The following LGSN variants were observed in gnomAD, a reference collection of about 807,000 sequenced individuals.
The protein encoded by LGSN is lengsin.
A neutral mutation model predicts 19.5 loss-of-function variants in LGSN; 21 were observed. The observed-to-expected ratio is 1.07, with a 90% CI of 0.76 to 1.55. The LOEUF (loss-of-function observed/expected upper bound fraction) is 1.55, where lower values mean the gene tolerates loss of function less well. LGSN is among the 40% of genes most tolerant of loss of function. The pLI, the probability that LGSN is intolerant of heterozygous loss-of-function variation, is 0.00. For synonymous variants in LGSN, 257 were observed against 215.6 expected, an observed-to-expected ratio of 1.19 and a Z score of -1.68; for missense variants, 673 against 608.5, an observed-to-expected ratio of 1.11 and a Z score of -1.12.
chr6:63,422,156 C>T, the LGSN span, among the ~76,000 whole-genome samples: 16,689 of 152,128 alleles, frequency 0.11, 965 homozygotes, highest in East Asian at 0.16. Flanking sequence ...CTCTACCTCC[C>T]GGGTTCAAGC....
the LGSN span, among the ~76,000 whole-genome samples, chr6:63,404,678 C>G: frequency 6.6e-6 from 1 of 152,092 alleles, no homozygotes; most frequent in Non-Finnish European, 1.5e-5. Context: ...ATGAGGGGAT[C>G]ACCAAAGGCC....
At chr6:63,359,341 G>A in the LGSN span, among the ~76,000 whole-genome samples, 7 of 152,172 alleles carry the variant, frequency 4.6e-5, no homozygotes, top group Non-Finnish European at 7.3e-5. Flanking sequence ...GAAGATGCTG[G>A]CCTCATAAAA....
At chr6:63,320,852 T>TA (rs762268444), upstream of LGSN, among the ~76,000 whole-genome samples, 4 of 152,164 alleles carry the variant, frequency 2.6e-5, no homozygotes, top group Admixed American at 6.5e-5. Flanking sequence ...AGCCAATACT[T>TA]ACAACCACTC....
At chr6:63,500,805 G>T in the LGSN span, among the ~76,000 whole-genome samples, 1 of 151,870 alleles carries the variant, frequency 6.6e-6, no homozygotes, top group African/African-American at 2.4e-5. Flanking sequence ...TCCACTCACT[G>T]CAACCTCTGC....
chr6:63,280,304 G>C lies in LGSN; in HGVS notation c.1247C>G (p.Pro416Arg), dbSNP rs756054217. The C allele has an allele frequency of 3.0e-5, 49 of 1,614,062 alleles. No homozygotes were observed. The highest frequency in any genetic ancestry group is 3.6e-5 in the Non-Finnish European group (42 of 1,180,030). The change falls in exon 4 of 4, where the codon CCT becomes CGT. Residue 416 changes from proline to arginine, a missense_variant. Pro to Arg is a moderately radical substitution (Grantham distance 103). Coordinates refer to ENST00000370657, the MANE Select transcript of LGSN (RefSeq NM_016571.3). ...ENKLGSATAN[P>R]YLVLAATVAA... Reference sequence around the variant, plus strand: ...AACAGTTGCAGCCAGCACCAAGTAAGGGTTTGCTGTTGCTGAGCCTAGTTT... The same window carrying C: ...AACAGTTGCAGCCAGCACCAAGTAACGGTTTGCTGTTGCTGAGCCTAGTTT...
At chr6:63,365,728 G>C in the LGSN span, among the ~76,000 whole-genome samples, 1 of 152,132 alleles carries the variant, frequency 6.6e-6, no homozygotes, top group Non-Finnish European at 1.5e-5. Context: ...ACATCAAAAA[G>C]CTTATCCACC....
At chr6:63,358,314 G>A in the LGSN span, among the ~76,000 whole-genome samples, 1 of 152,176 alleles carries the variant, frequency 6.6e-6, no homozygotes, top group African/African-American at 2.4e-5. Flanking sequence ...TTGGCAATGT[G>A]GGCTCTTTTT....
At chr6:63,560,577 T>A in the LGSN span, among the ~76,000 whole-genome samples, 1 of 151,894 alleles carries the variant, frequency 6.6e-6, no homozygotes, top group Non-Finnish European at 1.5e-5. Context: ...TCTGTGTATT[T>A]TTTTTAAGTA....
the LGSN span, among the ~76,000 whole-genome samples, chr6:63,412,418 GAAA>G: frequency 1.5e-4 from 14 of 95,092 alleles, no homozygotes; most frequent in African/African-American, 7.6e-4. Flanking sequence ...AAAGAAAGAA[GAAA>G]GAAAGAAAGA....
the LGSN span, chr6:63,392,262 AC>A: frequency 3.3e-5 from 5 of 152,394 alleles, no homozygotes; most frequent in Non-Finnish European, 5.9e-5. Flanking sequence ...CCCATGGCAA[AC>A]CCTGGCCTAG....
At chr6:63,529,019 G>A in the LGSN span, among the ~76,000 whole-genome samples, 1 of 150,994 alleles carries the variant, frequency 6.6e-6, no homozygotes, top group East Asian at 2.0e-4. Flanking sequence ...AATCTGGGAG[G>A]CAGAGGTTAC....
the LGSN span, among the ~76,000 whole-genome samples, chr6:63,389,122 A>G: frequency 3.9e-5 from 6 of 152,216 alleles, no homozygotes; most frequent in Non-Finnish European, 8.8e-5. Flanking sequence ...TAAACTGAAC[A>G]TTATTGTCTC....
At chr6:63,305,222 CTAAAG>C (rs951567575) in intron 1 of LGSN, among the ~76,000 whole-genome samples, 1 of 152,056 alleles carries the variant, frequency 6.6e-6, no homozygotes, top group African/African-American at 2.4e-5. Context: ...AAAAATTAAC[CTAAAG>C]TAAACAATCA....
intron 2 of LGSN, chr6:63,293,674 T>A (rs1438842003): frequency 2.2e-6 from 1 of 452,136 alleles, no homozygotes; most frequent in Admixed American, 2.4e-5. Flanking sequence ...TTACCAGAGT[T>A]TGGGTTAAAT....
the LGSN span, among the ~76,000 whole-genome samples, chr6:63,473,797 G>A: frequency 6.8e-6 from 1 of 147,602 alleles, no homozygotes; most frequent in African/African-American, 2.5e-5. Context: ...TTCTTGAGAT[G>A]TTACTTCTGT....
At chr6:63,477,692 T>C in the LGSN span, among the ~76,000 whole-genome samples, 5 of 109,746 alleles carry the variant, frequency 4.6e-5, no homozygotes, top group Non-Finnish European at 8.5e-5. Context: ...TTTTTCTTTT[T>C]TTTTTTTTTT....
the LGSN span, among the ~76,000 whole-genome samples, chr6:63,425,555 C>T: frequency 3.9e-4 from 60 of 152,230 alleles, no homozygotes; most frequent in African/African-American, 1.3e-3. Flanking sequence ...ATTCATATAA[C>T]ATTCTTGAAA....
At chr6:63,533,428 T>C in the LGSN span, among the ~76,000 whole-genome samples, 2 of 152,180 alleles carry the variant, frequency 1.3e-5, no homozygotes, top group Non-Finnish European at 2.9e-5. Flanking sequence ...TAAAAATATC[T>C]TAATTTTGTA....
the LGSN span, among the ~76,000 whole-genome samples, chr6:63,347,620 T>C: frequency 6.6e-6 from 1 of 152,194 alleles, no homozygotes; most frequent in Non-Finnish European, 1.5e-5. Flanking sequence ...CTTAAAAGGC[T>C]AGAGAGGTCT....
Sources: allele counts gnomAD v4.1 joint callset (sites outside exome capture counted in the v4.1 genomes callset), GRCh38; gene constraint gnomAD v4.1.1; transcripts MANE v1.5; gene names NCBI Gene and HGNC (gene_info 2026-07-23, HGNC 2026-07-21).